Variants in PKDCC observed in about 807,000 individuals in gnomAD.
PKDCC encodes protein kinase domain containing, cytoplasmic, also known as extracellular tyrosine-protein kinase PKDCC.
A neutral mutation model predicts 44.7 loss-of-function variants in PKDCC; 35 were observed. The ratio of observed to expected loss-of-function variants is 0.78; its 90% CI spans 0.60 to 1.04. The LOEUF is 1.04. Among genes scored for constraint, PKDCC ranks in the 50% least tolerant of loss-of-function variants. The pLI is 0.00. For synonymous variants in PKDCC, 353 were observed against 303.3 expected, an observed-to-expected ratio of 1.16 and a Z score of -1.70; for missense variants, 738 against 672.7, an observed-to-expected ratio of 1.10 and a Z score of -1.07.
At position 42,053,360 on chromosome 2, in the gene PKDCC, G is replaced by C. The variant is rs747965088; in HGVS notation, c.761G>C (p.Arg254Pro). The change falls in exon 2 of 7, where the codon CGA (arginine) becomes CCA (proline). Residue 254 changes from arginine (R) to proline (P), a missense_variant and splice_region_variant. By Grantham distance (103) the Arg-to-Pro change is moderately radical. Coordinates refer to ENST00000294964, the MANE Select transcript of PKDCC (RefSeq NM_138370.3). ...LLQTSWEDRF[R>P]ICLSLGRLLH... is the part of the protein sequence containing the mutation. Reference sequence around the variant, plus strand: ...CAAACTTCCTGGGAGGATCGATTCCGAGTGAGCTCAGAGGAGGGCTCGGGC... The same window carrying C: ...CAAACTTCCTGGGAGGATCGATTCCCAGTGAGCTCAGAGGAGGGCTCGGGC... 6.2e-7 allele frequency: 1 copy of C among 1,610,838 alleles called. No homozygotes were observed. Among genetic ancestry groups the C allele is most frequent in the African/African-American group, 1.3e-5 (1 of 74,878 alleles).
At position 42,054,864 on chromosome 2, in the gene PKDCC, C is replaced by A; in HGVS notation, c.1035-77C>A. 7.2e-7 allele frequency: 1 copy of A among 1,380,456 alleles called. No individual in the cohort carries two copies. Among genetic ancestry groups the A allele is most frequent in the Non-Finnish European group, 1.0e-6 (1 of 968,116 alleles). 85.5% of individuals were successfully genotyped at this position (1,380,456 alleles called of 1,614,324 possible). A position where few individuals can be genotyped will look rare whatever the true frequency, so the allele number is the denominator to read the frequency against. On this transcript the variant is annotated intron_variant, in intron 3 of 6. Coordinates refer to ENST00000294964, the MANE Select transcript of PKDCC (RefSeq NM_138370.3). The surrounding 1 kb of genome is among the most constrained non-coding windows in gnomAD (Gnocchi z 6.1). ...CCGGCTCCCTGGCCAGGTTAGCGTT[C>A]TGCCCCAGGTTGGAATAGAGGAAGG...
At position 42,057,320 on chromosome 2, in the gene PKDCC, C is replaced by T. The variant is rs1668074099; in HGVS notation, c.1322C>T (p.Ala441Val). The change falls in exon 6 of 7, where the codon GCT (alanine) becomes GTT (valine). Residue 441 changes from alanine to valine, a missense_variant. Coordinates refer to ENST00000294964, the MANE Select transcript of PKDCC (RefSeq NM_138370.3). Reference sequence around the variant, plus strand: ...TGCCTCCTTTCAGTGTTCAACCTGGCTGAGGCTGTGGATGTCTGTGAGAGC... The same window carrying T: ...TGCCTCCTTTCAGTGTTCAACCTGGTTGAGGCTGTGGATGTCTGTGAGAGC... ...GSCLLSVFNL[A>V]EAVDVCESHA... 3 of 1,614,202 alleles carry T rather than the reference C, an allele frequency of 1.9e-6. No homozygotes were observed. Among genetic ancestry groups the T allele is most frequent in the South Asian group, 2.2e-5 (2 of 91,086 alleles).
Position 42,054,136 on chromosome 2 carries a change from A to G in PKDCC, c.863A>G (p.Asp288Gly), listed in dbSNP as rs565845223. The G allele has an allele frequency of 1.2e-6, 2 of 1,613,286 alleles. No individual in the cohort carries two copies. The highest frequency in any genetic ancestry group is 2.2e-5 in the East Asian group (1 of 44,868). ...DFRPRQFVLV[D>G]GELKVTDLDD... Reference sequence around the variant, plus strand: ...CGCCCTCGGCAGTTTGTGCTGGTGGATGGGGAGCTCAAAGTGACGGACCTG... The same window carrying G: ...CGCCCTCGGCAGTTTGTGCTGGTGGGTGGGGAGCTCAAAGTGACGGACCTG... The change falls in exon 3 of 7, where the codon GAT (aspartate) becomes GGT (glycine). Residue 288 changes from aspartate (D) to glycine (G), a missense_variant. Asp to Gly is a moderately conservative substitution (Grantham distance 94, BLOSUM62 -1). Transcript: ENST00000294964. This position sits in a 1 kb window ranked among gnomAD's most constrained non-coding sequence, Gnocchi z 6.1.
rs1242962731 is a variant in PKDCC at position 42,052,953 on chromosome 2, G to A, written c.640-286G>A. 2.0e-5 allele frequency among the ~76,000 whole-genome samples: 3 copies of A among 152,136 alleles called. No individual in the cohort carries two copies. Among genetic ancestry groups the A allele is most frequent in the Non-Finnish European group, 4.4e-5 (3 of 68,026 alleles). ...TTATTACAATAATTGAGTTATGCAC[G>A]TAGAGCAATTTAGCATGGTACCTGG... On this transcript the variant is annotated intron_variant, in intron 1 of 6. Coordinates refer to ENST00000294964, the MANE Select transcript of PKDCC (RefSeq NM_138370.3). The surrounding 1 kb of genome is among the most constrained non-coding windows in gnomAD (Gnocchi z 4.3).
In PKDCC at chr2:42,055,467, T is replaced by G. The variant is rs1558433047; in HGVS notation, c.1222+74T>G. On this transcript the variant is annotated intron_variant, in intron 5 of 6. Transcript: ENST00000294964. This position sits in a 1 kb window ranked among gnomAD's most constrained non-coding sequence, Gnocchi z 4.5. ...GGTGAATGACCCCGCCCAATTAGGC[T>G]AAGTGGCTCACCCTTTCTCTGGGGA... The G allele has an allele frequency of 1.5e-6, 2 of 1,350,862 alleles. No individual in the cohort carries two copies. The highest frequency in any genetic ancestry group is 2.4e-5 in the East Asian group (1 of 42,126). The allele number at this position is 1,350,862 out of a possible 1,614,324, so 83.7% of individuals were successfully genotyped here. A position where few individuals can be genotyped will look rare whatever the true frequency, so the allele number is the denominator to read the frequency against.
In PKDCC at chr2:42,048,164, G is replaced by T. The variant is rs1667894224; in HGVS notation, c.-36G>T. ...AGCCGCCCGGGGCCGGGGCCGGGGA[G>T]CCGCGCGGGGCCGGCCGGCCGGGGG... On this transcript the variant is annotated 5_prime_UTR_variant, in exon 1 of 7. Coordinates refer to ENST00000294964, the MANE Select transcript of PKDCC (RefSeq NM_138370.3). This position sits in a 1 kb window ranked among gnomAD's most constrained non-coding sequence, Gnocchi z 6.2. The T allele has an allele frequency of 1.9e-6, 2 of 1,034,318 alleles. No individual in the cohort carries two copies. The highest frequency in any genetic ancestry group is 5.9e-5 in the Admixed American group (1 of 16,830). The allele number at this position is 1,034,318 out of a possible 1,614,324, so 64.1% of individuals were successfully genotyped here.
rs1207203094 is a variant in PKDCC at position 42,054,154 on chromosome 2, C to T, written c.881C>T (p.Thr294Met). 4 of 1,612,994 alleles carry T rather than the reference C, an allele frequency of 2.5e-6. No individual in the cohort carries two copies. Among genetic ancestry groups the T allele is most frequent in the East Asian group, 2.2e-5 (1 of 44,880 alleles). Residue 294 changes from threonine to methionine, a missense_variant, in exon 3 of 7, where the codon ACG (threonine) becomes ATG (methionine). Coordinates refer to ENST00000294964, the MANE Select transcript of PKDCC (RefSeq NM_138370.3). The surrounding 1 kb of genome is among the most constrained non-coding windows in gnomAD (Gnocchi z 6.1). ...CTGGTGGATGGGGAGCTCAAAGTGA[C>T]GGACCTGGATGACGCACGTGTGGAG... ...FVLVDGELKV[T>M]DLDDARVEET...
intron 5 of PKDCC, among the ~76,000 whole-genome samples, chr2:42,056,949 C>T (rs1668066967): frequency 6.6e-6 from 1 of 152,230 alleles, no homozygotes; most frequent in East Asian, 1.9e-4. Context: ...CTTTCATGTG[C>T]CTGCTATCTT....
chr2:42,057,474 A>T (rs982296192), intron 6 of PKDCC, 80 bp downstream of exon 6: 1 of 1,581,740 alleles, frequency 6.3e-7, no homozygotes, highest in Non-Finnish European at 8.7e-7. Context: ...CCCCATCGGA[A>T]GTCAGAGGGG....
At chr2:42,053,159 A>C in intron 1 of PKDCC, 80 bp from the exon 2 acceptor site, 2 of 1,435,452 alleles carry the variant, frequency 1.4e-6, no homozygotes, top group African/African-American at 2.8e-5. Context: ...GAGGAGAGAG[A>C]GGGGGAACCT....
chr2:42,057,488 CTGAGGTGA>C, intron 6 of PKDCC, 94 bp downstream of exon 6: 1 of 1,567,380 alleles, frequency 6.4e-7, no homozygotes, highest in Admixed American at 1.7e-5. Flanking sequence ...AGAGGGGGTG[CTGAGGTGA>C]TGAGAGAGAG....
chr2:42,048,187 G>C lies in PKDCC; in HGVS notation c.-13G>C. On this transcript the variant is annotated 5_prime_UTR_variant, in exon 1 of 7. Coordinates refer to ENST00000294964, the MANE Select transcript of PKDCC (RefSeq NM_138370.3). This position sits in a 1 kb window ranked among gnomAD's most constrained non-coding sequence, Gnocchi z 6.2. ...GAGCCGCGCGGGGCCGGCCGGCCGG[G>C]GGGAGGGGAGCGATGCGGCGCCGGC... 1.8e-6 allele frequency: 2 copies of C among 1,118,238 alleles called. No homozygotes were observed. Among genetic ancestry groups the C allele is most frequent in the Non-Finnish European group, 2.2e-6 (2 of 917,052 alleles). The allele number at this position is 1,118,238 out of a possible 1,614,324, so 69.3% of individuals were successfully genotyped here.
chr2:42,057,662 A>C lies in PKDCC; in HGVS notation c.1456A>C (p.Thr486Pro). 6.2e-7 allele frequency: 1 copy of C among 1,613,844 alleles called. No individual in the cohort carries two copies. Among genetic ancestry groups the C allele is most frequent in the Non-Finnish European group, 8.5e-7 (1 of 1,179,960 alleles). Reference sequence around the variant, plus strand: ...CCAAGTGGTCCCTGATCCCAACAAGACCACATATGTGAAGGCCTCTGGCTG... The same window carrying C: ...CCAAGTGGTCCCTGATCCCAACAAGCCCACATATGTGAAGGCCTCTGGCTG... ...WSQVVPDPNK[T>P]TYVKASG Residue 486 changes from threonine (T) to proline (P), a missense_variant, in exon 7 of 7, where the codon ACC (threonine) becomes CCC (proline). Transcript: ENST00000294964.
Position 42,048,227 on chromosome 2 carries a change from G to A in PKDCC, c.28G>A (p.Ala10Thr), listed in dbSNP as rs1667896490. Reference sequence around the variant, plus strand: ...GCGGCGCCGGCGGGCGGCAGTGGCCGCGGGTTTCTGCGCCTCCTTCCTGCT... The same window carrying A: ...GCGGCGCCGGCGGGCGGCAGTGGCCACGGGTTTCTGCGCCTCCTTCCTGCT... MRRRRAAVA[A>T]GFCASFLLGS... The change falls in exon 1 of 7, where the codon GCG becomes ACG. Residue 10 changes from alanine (A) to threonine (T), a missense_variant. Transcript: ENST00000294964. The surrounding 1 kb of genome is among the most constrained non-coding windows in gnomAD (Gnocchi z 6.2). 1 of 1,243,088 alleles carries A rather than the reference G, an allele frequency of 8.0e-7. No individual in the cohort carries two copies. The highest frequency in any genetic ancestry group is 1.0e-6 in the Non-Finnish European group (1 of 981,782). 77.0% of individuals were successfully genotyped at this position (1,243,088 alleles called of 1,614,324 possible).
chr2:42,056,647 C>T (rs1263553992), intron 5 of PKDCC, among the ~76,000 whole-genome samples: 5 of 151,894 alleles, frequency 3.3e-5, no homozygotes, highest in Admixed American at 1.3e-4. Context: ...ACCTGTAATC[C>T]CAGCACTTCG....
chr2:42,056,562 T>A (rs1222662056), intron 5 of PKDCC, among the ~76,000 whole-genome samples: 1 of 152,172 alleles, frequency 6.6e-6, no homozygotes, highest in Non-Finnish European at 1.5e-5. Context: ...GGATGCTGGT[T>A]AGAAGTACAG....
chr2:42,049,518 A>G (rs1667933140), intron 1 of PKDCC, among the ~76,000 whole-genome samples: 1 of 152,208 alleles, frequency 6.6e-6, no homozygotes, highest in East Asian at 1.9e-4. Flanking sequence ...AGAAGCCTGA[A>G]GGTCTCAGCT....
Position 42,048,163 on chromosome 2 carries a change from A to G in PKDCC, c.-37A>G, listed in dbSNP as rs866273859. ...GAGCCGCCCGGGGCCGGGGCCGGGGAGCCGCGCGGGGCCGGCCGGCCGGGG... is the reference window on the plus strand; with the variant it reads ...GAGCCGCCCGGGGCCGGGGCCGGGGGGCCGCGCGGGGCCGGCCGGCCGGGG... On this transcript the variant is annotated 5_prime_UTR_variant, in exon 1 of 7. Coordinates refer to ENST00000294964, the MANE Select transcript of PKDCC (RefSeq NM_138370.3). This position sits in a 1 kb window ranked among gnomAD's most constrained non-coding sequence, Gnocchi z 6.2. 7.8e-5 allele frequency: 73 copies of G among 933,086 alleles called. No homozygotes were observed. The African/African-American group carries it at 1.8e-3, about 23-fold the overall frequency. 57.8% of individuals were successfully genotyped at this position (933,086 alleles called of 1,614,324 possible).
Position 42,055,458 on chromosome 2 carries a change from C to A in PKDCC, c.1222+65C>A. Reference sequence around the variant, plus strand: ...AGGTGGGAGGGTGAATGACCCCGCCCAATTAGGCTAAGTGGCTCACCCTTT... The same window carrying A: ...AGGTGGGAGGGTGAATGACCCCGCCAAATTAGGCTAAGTGGCTCACCCTTT... On this transcript the variant is annotated intron_variant, in intron 5 of 6. Transcript: ENST00000294964. The surrounding 1 kb of genome is among the most constrained non-coding windows in gnomAD (Gnocchi z 4.5). 6.9e-7 allele frequency: 1 copy of A among 1,442,274 alleles called. No homozygotes were observed. The highest frequency in any genetic ancestry group is 1.2e-5 in the South Asian group (1 of 81,204). The allele number at this position is 1,442,274 out of a possible 1,614,324, so 89.3% of individuals were successfully genotyped here.
Sources: gnomAD v4.1 joint callset for allele counts (sites outside exome capture counted in the v4.1 genomes callset) on GRCh38, gnomAD v4.1.1 for gene constraint, Gnocchi (gnomAD v3.1) non-coding constraint, MANE v1.5 for transcripts, NCBI Gene and HGNC (gene_info 2026-07-23, HGNC 2026-07-21) for gene names.